Variants in ELAVL4 observed in about 807,000 individuals in gnomAD.
The protein encoded by ELAVL4 is ELAV-like protein 4.
In ELAVL4, 1 loss-of-function variant was observed where a neutral mutation model predicts 35.6. That is an observed-to-expected ratio of 0.03 (90% CI 0.01 to 0.13). The LOEUF is 0.13. ELAVL4 is among the 10% of genes least tolerant of loss of function. The pLI, the probability that ELAVL4 is intolerant of heterozygous loss-of-function variation, is 1.00. For missense variants in ELAVL4, 267 were observed against 464.9 expected (o/e 0.57, Z 3.91); for synonymous variants, 156 against 171.0 (o/e 0.91, Z 0.69).
chr1:50,173,451 A>C (rs577167033), intron 2 of ELAVL4, among the ~76,000 whole-genome samples: 1 of 152,320 alleles, frequency 6.6e-6, no homozygotes, highest in Non-Finnish European at 1.5e-5. Context: ...CTGAATTATA[A>C]GTTTCCATCT....
At chr1:50,186,033 G>A (rs943942739) in intron 3 of ELAVL4, among the ~76,000 whole-genome samples, 35 of 151,966 alleles carry the variant, frequency 2.3e-4, no homozygotes, top group African/African-American at 8.5e-4. Flanking sequence ...AACTTAGTAC[G>A]TACTAAGTAT....
intron 3 of ELAVL4, 98 bp downstream of exon 3, chr1:50,177,290 G>A: frequency 2.2e-6 from 2 of 889,930 alleles, no homozygotes; most frequent in South Asian, 1.5e-5. Flanking sequence ...TGGAAGCAGT[G>A]TTCTTGATTT....
Position 50,077,365 on chromosome 1 carries a change from G to A in ELAVL4, c.18+29183G>A, listed in dbSNP as rs202062217. On this transcript the variant is annotated intron_variant, in intron 1 of 6. Transcript: ENST00000448907. ...CCAATGTTTCAGTCTGTGTTCAATA[G>A]CAGGAAAGAATTGAAGTCTCACCTT... Among the ~76,000 whole-genome samples, 4 of 152,210 alleles carry A rather than the reference G, an allele frequency of 2.6e-5. No homozygotes were observed. The East Asian group carries it at 7.7e-4, about 29-fold the overall frequency.
chr1:50,138,338 T>G (rs1427405506), intron 1 of ELAVL4, among the ~76,000 whole-genome samples: 1 of 152,150 alleles, frequency 6.6e-6, no homozygotes, highest in East Asian at 1.9e-4. Context: ...AAAATGCTGT[T>G]TGAGTGTACA....
At chr1:50,178,085 G>A (rs955258867) in intron 3 of ELAVL4, among the ~76,000 whole-genome samples, 5 of 152,132 alleles carry the variant, frequency 3.3e-5, no homozygotes, top group African/African-American at 4.8e-5. Context: ...CCTCCTCCTC[G>A]GCCTTCCTTC....
rs529380079 is a variant in ELAVL4 at position 50,194,873 on chromosome 1, GA to G, written c.509-687del. Among the ~76,000 whole-genome samples, 134 of 152,278 alleles carry G rather than the reference GA, an allele frequency of 8.8e-4. 2 individuals carry two copies. The highest frequency in any genetic ancestry group is 8.6e-3 in the Admixed American group (132 of 15,304). ...GACAGAGCAGTGTAAGTGGAGAGGA[GA>G]GCATATCCCAAGGCATGGAATCGAG... On this transcript the variant is annotated intron_variant, in intron 4 of 6. Transcript: ENST00000371824.
At chr1:50,077,917 A>G (rs1200556829) in intron 1 of ELAVL4, among the ~76,000 whole-genome samples, 1 of 152,118 alleles carries the variant, frequency 6.6e-6, no homozygotes, top group Non-Finnish European at 1.5e-5. Flanking sequence ...TCCCTGCATT[A>G]AGACATGGTG....
intron 5 of ELAVL4, 45 bp downstream of exon 5, chr1:50,195,831 A>C: frequency 6.2e-7 from 1 of 1,606,846 alleles, no homozygotes; most frequent in Non-Finnish European, 8.5e-7. Context: ...AGGGGTTCAT[A>C]GCTGGGCAAG....
At chr1:50,059,543 G>C (rs1663849612) in intron 1 of ELAVL4, among the ~76,000 whole-genome samples, 1 of 151,882 alleles carries the variant, frequency 6.6e-6, no homozygotes, top group African/African-American at 2.4e-5. Context: ...GTATTGGTGA[G>C]GAGGTTTTTT....
chr1:50,141,343 G>A (rs1672782760), intron 1 of ELAVL4, among the ~76,000 whole-genome samples: 1 of 152,204 alleles, frequency 6.6e-6, no homozygotes, highest in Non-Finnish European at 1.5e-5. Context: ...TCTAAAGATT[G>A]TGGGCCTGGG....
chr1:50,168,233 GCAGGGTGGCAGGAGTGTCCCCAGCTTCAT>G (rs1440852644), intron 2 of ELAVL4, among the ~76,000 whole-genome samples: 19 of 152,210 alleles, frequency 1.2e-4, no homozygotes, highest in South Asian at 1.2e-3. Flanking sequence ...GGAAGAGAAG[GCAGGGTGGCAGGAGTGTCCCCAGCTTCAT>G]CAGGGTGGCA....
At chr1:50,166,570 A>T (rs562693088) in intron 2 of ELAVL4, among the ~76,000 whole-genome samples, 2 of 152,268 alleles carry the variant, frequency 1.3e-5, no homozygotes, top group South Asian at 4.1e-4. Context: ...TTCAGCAAGC[A>T]CCTCAGCAGG....
At chr1:50,089,609 G>T (rs772211830) in intron 1 of ELAVL4, among the ~76,000 whole-genome samples, 15 of 152,036 alleles carry the variant, frequency 9.9e-5, no homozygotes, top group Non-Finnish European at 1.5e-4. Flanking sequence ...TTAAAAATTA[G>T]CCAGGCATGG....
intron 1 of ELAVL4, among the ~76,000 whole-genome samples, chr1:50,067,609 T>C (rs1229982703): frequency 6.6e-6 from 1 of 152,226 alleles, no homozygotes; most frequent in Non-Finnish European, 1.5e-5. Flanking sequence ...CAAAAATTGA[T>C]TGAGTACCTA....
intron 1 of ELAVL4, among the ~76,000 whole-genome samples, chr1:50,122,488 G>A (rs940137071): frequency 6.6e-6 from 1 of 152,088 alleles, no homozygotes; most frequent in South Asian, 2.1e-4. Context: ...TTGTACTAAA[G>A]AAACACTGTA....
chr1:50,167,901 A>G (rs1334370380), intron 2 of ELAVL4, among the ~76,000 whole-genome samples: 4 of 152,278 alleles, frequency 2.6e-5, no homozygotes, highest in Middle Eastern at 3.4e-3. Context: ...TTTTGCAATC[A>G]TGCTTCTTCC....
At chr1:50,121,697 ATC>A (rs1669067738) in intron 1 of ELAVL4, among the ~76,000 whole-genome samples, 2 of 152,202 alleles carry the variant, frequency 1.3e-5, no homozygotes, top group African/African-American at 4.8e-5. Flanking sequence ...GCAATGCAAG[ATC>A]TCTAGTATCT....
intron 1 of ELAVL4, among the ~76,000 whole-genome samples, chr1:50,068,465 G>A (rs1475680990): frequency 6.6e-6 from 1 of 152,190 alleles, no homozygotes; most frequent in Non-Finnish European, 1.5e-5. Flanking sequence ...TAGTAGTAGA[G>A]TGTAGAAGGG....
At chr1:50,197,051 C>G (rs1019725773) in intron 5 of ELAVL4, among the ~76,000 whole-genome samples, 7 of 152,186 alleles carry the variant, frequency 4.6e-5, no homozygotes, top group African/African-American at 1.7e-4. Context: ...TAATCTGGAA[C>G]AGAGACCTTT....
Sources: gnomAD v4.1 joint callset for allele counts (sites outside exome capture counted in the v4.1 genomes callset) on GRCh38, gnomAD v4.1.1 for gene constraint, MANE v1.5 for transcripts, NCBI Gene and HGNC (gene_info 2026-07-23, HGNC 2026-07-21) for gene names.